The following UBE2E2 variants were observed in gnomAD, a reference collection of about 807,000 sequenced individuals.
UBE2E2 encodes ubiquitin-conjugating enzyme E2 E2.
In UBE2E2, 6 loss-of-function variants were observed where a neutral mutation model predicts 24.7. That is an observed-to-expected ratio of 0.24 (90% CI 0.13 to 0.48). UBE2E2 has a LOEUF of 0.48. Among genes scored for constraint, UBE2E2 ranks in the 20% least tolerant of loss-of-function variants. UBE2E2 has a pLI of 0.99. For synonymous variants in UBE2E2, 104 were observed against 83.6 expected, an observed-to-expected ratio of 1.24 and a Z score of -1.33; for missense variants, 169 against 245.0, an observed-to-expected ratio of 0.69 and a Z score of 2.07.
intron 3 of UBE2E2, among the ~76,000 whole-genome samples, chr3:23,301,971 T>C (rs1479372412): frequency 2.6e-5 from 4 of 150,968 alleles, no homozygotes; most frequent in Admixed American, 6.6e-5. Context: ...AGTTTCTTTG[T>C]CTTTAATCAT....
rs535276611 is a variant in UBE2E2, at chr3:23,314,222, G to A, written c.227+96910G>A. On this transcript the variant is annotated intron_variant, in intron 3 of 5. Coordinates refer to ENST00000396703, the MANE Select transcript of UBE2E2 (RefSeq NM_152653.4). ...CAGCTCACTGTGGCCTTGATTTCCCGGTTTCAAGTGATGCCCCCACCTCAG... is the reference window on the plus strand; with the variant it reads ...CAGCTCACTGTGGCCTTGATTTCCCAGTTTCAAGTGATGCCCCCACCTCAG... 3.3e-5 allele frequency among the ~76,000 whole-genome samples: 5 copies of A among 152,154 alleles called. No homozygotes were observed. In the South Asian group the frequency reaches 6.2e-4, roughly 19 times the overall value.
At chr3:23,569,809 A>G (rs759615567) in intron 5 of UBE2E2, among the ~76,000 whole-genome samples, 1 of 152,198 alleles carries the variant, frequency 6.6e-6, no homozygotes, top group Non-Finnish European at 1.5e-5. Flanking sequence ...TAGCACTGCT[A>G]TATAGACTTA....
chr3:23,589,563 T>G lies in UBE2E2; in HGVS notation c.509-171T>G, dbSNP rs1439282246. 6.6e-6 allele frequency among the ~76,000 whole-genome samples: 1 copy of G among 152,072 alleles called. No individual in the cohort carries two copies. Among genetic ancestry groups the G allele is most frequent in the Non-Finnish European group, 1.5e-5 (1 of 68,018 alleles). On this transcript the variant is annotated intron_variant, in intron 5 of 5. Transcript: ENST00000396703. This position sits in a 1 kb window ranked among gnomAD's most constrained non-coding sequence, Gnocchi z 4.1. ...GATAGGTGACTCTTGGGGCAGCTGG[T>G]GTGAAATGTAGTCTGTCAGCAGCAG...
chr3:23,486,568 A>G (rs907640423), intron 3 of UBE2E2, among the ~76,000 whole-genome samples: 4 of 152,056 alleles, frequency 2.6e-5, no homozygotes, highest in African/African-American at 9.7e-5. Flanking sequence ...TCCTGAGCTG[A>G]CCTGACCCCA....
chr3:23,355,194 A>T (rs13067467), intron 3 of UBE2E2, among the ~76,000 whole-genome samples: 1 of 140,872 alleles, frequency 7.1e-6, no homozygotes, highest in Non-Finnish European at 1.5e-5. Flanking sequence ...ACACATGGAC[A>T]CAGGAAGGGG....
At chr3:23,540,388 T>TTTTGTTTGTTTGTTTG (rs112747673) in intron 5 of UBE2E2, among the ~76,000 whole-genome samples, 8 of 148,364 alleles carry the variant, frequency 5.4e-5, no homozygotes, top group South Asian at 2.1e-4. Context: ...TTTGATGCCC[T>TTTTGTTTGTTTGTTTG]TTTGTTTGTT....
At chr3:23,284,393 T>C (rs1698560977) in intron 3 of UBE2E2, among the ~76,000 whole-genome samples, 1 of 152,158 alleles carries the variant, frequency 6.6e-6, no homozygotes, top group Non-Finnish European at 1.5e-5. Flanking sequence ...TTTGCTAAAA[T>C]AACGTAAGGT....
chr3:23,495,397 C>T (rs1226744407), intron 3 of UBE2E2, among the ~76,000 whole-genome samples: 1 of 152,154 alleles, frequency 6.6e-6, no homozygotes, highest in African/African-American at 2.4e-5. Context: ...CTTATTTAGC[C>T]TATATCTTGT....
intron 4 of UBE2E2, among the ~76,000 whole-genome samples, chr3:23,531,951 A>G (rs1242023360): frequency 6.6e-6 from 1 of 151,934 alleles, no homozygotes; most frequent in East Asian, 1.9e-4. Context: ...AATCCCAGCT[A>G]CTTGGGAGGC....
intron 3 of UBE2E2, among the ~76,000 whole-genome samples, chr3:23,268,986 A>T (rs974742581): frequency 6.6e-6 from 1 of 151,954 alleles, no homozygotes; most frequent in Non-Finnish European, 1.5e-5. Context: ...GTGCTGGGAA[A>T]ACTGGCTAGC....
chr3:23,556,332 A>G (rs1695780694), intron 5 of UBE2E2, among the ~76,000 whole-genome samples: 1 of 149,684 alleles, frequency 6.7e-6, no homozygotes, highest in Admixed American at 6.7e-5. Context: ...TTTAGTAGAG[A>G]CGGTTTCACC....
chr3:23,395,128 A>T (rs1462223007), intron 3 of UBE2E2, among the ~76,000 whole-genome samples: 3 of 152,176 alleles, frequency 2.0e-5, no homozygotes, highest in Non-Finnish European at 4.4e-5. Context: ...CTTTGTATAG[A>T]TGAACGTGTT....
chr3:23,565,074 T>TAC (rs901711270), intron 5 of UBE2E2, among the ~76,000 whole-genome samples: 9 of 151,840 alleles, frequency 5.9e-5, no homozygotes, highest in African/African-American at 2.2e-4. Flanking sequence ...GTAAACAATA[T>TAC]ACACACACAC....
intron 3 of UBE2E2, among the ~76,000 whole-genome samples, chr3:23,274,255 A>G (rs1451927103): frequency 6.6e-6 from 1 of 152,164 alleles, no homozygotes; most frequent in Non-Finnish European, 1.5e-5. Context: ...TGTTGAAGAA[A>G]TACCTGGATT....
chr3:23,357,713 A>T lies in UBE2E2; in HGVS notation c.227+140401A>T, dbSNP rs145993427. On this transcript the variant is annotated intron_variant, in intron 3 of 5. Coordinates refer to ENST00000396703, the MANE Select transcript of UBE2E2 (RefSeq NM_152653.4). ...ATTAAAAGAAATACAGAAAGCTTAG[A>T]TGTATCTCTGAGGGGCGATTTGACC... is the stretch of plus-strand genomic sequence containing the variant. 2.8e-3 allele frequency among the ~76,000 whole-genome samples: 423 copies of T among 152,266 alleles called. 4 individuals are homozygous for T. Among genetic ancestry groups the T allele is most frequent in the Non-Finnish European group, 3.6e-3 (242 of 68,022 alleles).
intron 3 of UBE2E2, chr3:23,449,709 C>A: frequency 3.6e-6 from 1 of 275,898 alleles, no homozygotes; most frequent in Non-Finnish European, 5.5e-6. Context: ...GAATCAATCA[C>A]ACATCATGAT....
At chr3:23,530,135 AT>A (rs1695088619) in intron 4 of UBE2E2, among the ~76,000 whole-genome samples, 1 of 152,206 alleles carries the variant, frequency 6.6e-6, no homozygotes. Context: ...GGTCTTAATA[AT>A]GTCAATTCTT....
At chr3:23,259,059 T>C (rs1697826142) in intron 3 of UBE2E2, among the ~76,000 whole-genome samples, 1 of 152,118 alleles carries the variant, frequency 6.6e-6, no homozygotes, top group South Asian at 2.1e-4. Context: ...TTTATACAGG[T>C]GAATTCTTTT....
At chr3:23,420,766 T>A (rs901451512) in intron 3 of UBE2E2, among the ~76,000 whole-genome samples, 2 of 152,230 alleles carry the variant, frequency 1.3e-5, no homozygotes, top group African/African-American at 4.8e-5. Context: ...GTCCTGCCTC[T>A]TTCAGGAAGC....
Sources: gnomAD v4.1 joint callset for allele counts (sites outside exome capture counted in the v4.1 genomes callset) on GRCh38, gnomAD v4.1.1 for gene constraint, Gnocchi (gnomAD v3.1) non-coding constraint, MANE v1.5 for transcripts, NCBI Gene and HGNC (gene_info 2026-07-23, HGNC 2026-07-21) for gene names.